The following SIMC1 variants were observed in gnomAD, a reference collection of about 807,000 sequenced individuals.
SIMC1 encodes the protein SUMO-interacting motif-containing protein 1.
A neutral mutation model predicts 82.3 loss-of-function variants in SIMC1; 55 were observed. The observed-to-expected ratio is 0.67, with a 90% CI of 0.54 to 0.84. The LOEUF (loss-of-function observed/expected upper bound fraction) is 0.84. SIMC1 is among the 40% of genes least tolerant of loss of function. The probability of loss-of-function intolerance (pLI) is 0.00; values close to 1 mark genes in which losing one functional copy is unlikely to be tolerated. For missense variants in SIMC1, 915 were observed against 1,107.2 expected (o/e 0.83, Z 2.46); for synonymous variants, 353 against 426.3 (o/e 0.83, Z 2.12).
chr5:176,344,778 C>T (rs1231281743), intron 9 of SIMC1, among the ~76,000 whole-genome samples: 1 of 152,196 alleles, frequency 6.6e-6, no homozygotes, highest in Non-Finnish European at 1.5e-5. Flanking sequence ...TCACCCCCAC[C>T]AGGCCCCACC....
rs544010267 is a variant in SIMC1 at position 176,291,122 on chromosome 5, T to A, written c.1431+167T>A. Among the ~76,000 whole-genome samples the A allele has an allele frequency of 3.1e-3, 471 of 150,128 alleles. 1 individual carries two copies. Among genetic ancestry groups the A allele is most frequent in the Non-Finnish European group, 4.4e-3 (297 of 67,520 alleles). Reference sequence around the variant, plus strand: ...TCAGTGTAGAGGCCCAGATCTGGGTTCAAATTTTAGCCCCACGCTTAAAAA... The same window carrying A: ...TCAGTGTAGAGGCCCAGATCTGGGTACAAATTTTAGCCCCACGCTTAAAAA... On this transcript the variant is annotated intron_variant, in intron 2 of 9. Transcript: ENST00000429602.
At chr5:176,271,835 TATCTC>T (rs1193057197) in intron 1 of SIMC1, among the ~76,000 whole-genome samples, 1 of 147,788 alleles carries the variant, frequency 6.8e-6, no homozygotes, top group African/African-American at 2.5e-5. Flanking sequence ...TGTCTCAAAA[TATCTC>T]ATGTACCCCA....
At chr5:176,298,582 G>C (rs1763917219) in intron 4 of SIMC1, among the ~76,000 whole-genome samples, 2 of 152,206 alleles carry the variant, frequency 1.3e-5, no homozygotes, top group African/African-American at 4.8e-5. Context: ...CCAAAATCAT[G>C]CCACTGCACT....
Position 176,290,053 on chromosome 5 carries a change from C to G in SIMC1, c.529C>G (p.Gln177Glu). ...TAACCTCAGCTTCTTGGCAAGTCTA[C>G]AGCTGTCTTCAGATGTTAGCTCCCT... ...TGNLSFLASL[Q>E]LSSDVSSLSP... The change falls in exon 2 of 10, where the codon CAG becomes GAG. Residue 177 changes from glutamine to glutamate, a missense_variant. By Grantham distance (29) the Gln-to-Glu change is conservative. This residue lies in a region of SIMC1 where 902 missense variants were observed against 1,040.3 expected (regional missense o/e 0.87). Coordinates refer to ENST00000429602, the MANE Select transcript of SIMC1 (RefSeq NM_001308195.2). The G allele has an allele frequency of 6.2e-7, 1 of 1,611,338 alleles. No homozygotes were observed. The highest frequency in any genetic ancestry group is 8.5e-7 in the Non-Finnish European group (1 of 1,178,628).
chr5:176,295,104 T>C lies in SIMC1; in HGVS notation c.1506T>C (p.Phe502=). 6.2e-7 allele frequency: 1 copy of C among 1,613,726 alleles called. No homozygotes were observed. Among genetic ancestry groups the C allele is most frequent in the Non-Finnish European group, 8.5e-7 (1 of 1,179,698 alleles). ...TAACAAATACCATTGAAGAGAATTT[T>C]CCTCTGGGGACTGTGCAGTTTTTGA... ...RMVTNTIEEN[F]PLGTVQFLMD... is the part of the protein sequence containing the mutation. Residue 502 remains phenylalanine (F), a synonymous_variant, in exon 3 of 10, where the codon TTT becomes TTC. Coordinates refer to ENST00000429602, the MANE Select transcript of SIMC1 (RefSeq NM_001308195.2).
intron 7 of SIMC1, among the ~76,000 whole-genome samples, chr5:176,332,479 G>A (rs550685666): frequency 1.3e-5 from 2 of 151,948 alleles, no homozygotes; most frequent in African/African-American, 2.4e-5. Flanking sequence ...TAGTAGAGAC[G>A]GGGTTTCTCC....
rs575154768 is a variant in SIMC1, at chr5:176,279,274, T to C, written c.130-10380T>C. On this transcript the variant is annotated intron_variant, in intron 1 of 9. Coordinates refer to ENST00000429602, the MANE Select transcript of SIMC1 (RefSeq NM_001308195.2). ...TAGTATTCTCTGATGGTTCTTTGTG[T>C]ATTCTCTGTAGTATTCTTTGTGTTT... Among the ~76,000 whole-genome samples, 5 of 152,362 alleles carry C rather than the reference T, an allele frequency of 3.3e-5. No individual in the cohort carries two copies. The South Asian group carries it at 1.0e-3, about 32-fold the overall frequency.
Position 176,343,413 on chromosome 5 carries a change from C to T in SIMC1, c.2414-1770C>T, listed in dbSNP as rs142806390. On this transcript the variant is annotated intron_variant, in intron 9 of 9. Coordinates refer to ENST00000429602, the MANE Select transcript of SIMC1 (RefSeq NM_001308195.2). ...CATTTGCCTAATGTGACCTTCTGCT[C>T]ATTTGCCTCAATTCCACACACTTCT... is the stretch of plus-strand genomic sequence containing the variant. Among the ~76,000 whole-genome samples, 65 of 152,330 alleles carry T rather than the reference C, an allele frequency of 4.3e-4. 1 individual carries two copies. The East Asian group carries it at 0.012, about 28-fold the overall frequency.
rs530962383 is a variant in SIMC1 at position 176,308,199 on chromosome 5, C to T, written c.1735-5492C>T. 22 of 1,488,776 alleles carry T rather than the reference C, an allele frequency of 1.5e-5. No individual in the cohort carries two copies. In the East Asian group the frequency reaches 5.1e-4, roughly 34 times the overall value. The allele number at this position is 1,488,776 out of a possible 1,614,324, so 92.2% of individuals were successfully genotyped here. The stretch of plus-strand genomic sequence containing the variant: ...TGGATAGGGGAGTTGAACAATGATA[C>T]AAGGAGTGACTCCAAATTTGCATAT... On this transcript the variant is annotated intron_variant, in intron 4 of 9. Transcript: ENST00000429602.
At chr5:176,292,027 G>A (rs1293724590) in intron 2 of SIMC1, among the ~76,000 whole-genome samples, 1 of 152,180 alleles carries the variant, frequency 6.6e-6, no homozygotes, top group African/African-American at 2.4e-5. Context: ...CTGCACTCCA[G>A]CCTTGGCCAC....
At chr5:176,260,547 T>C (rs1191458276) in intron 1 of SIMC1, among the ~76,000 whole-genome samples, 3 of 152,168 alleles carry the variant, frequency 2.0e-5, no homozygotes, top group Non-Finnish European at 2.9e-5. Context: ...GACTATGATA[T>C]GATGAATCCT....
chr5:176,281,512 T>C (rs1250595893), intron 1 of SIMC1, among the ~76,000 whole-genome samples: 1 of 152,208 alleles, frequency 6.6e-6, no homozygotes, highest in Non-Finnish European at 1.5e-5. Flanking sequence ...CTCTGCTTTT[T>C]AGAGTTTCCA....
intron 5 of SIMC1, among the ~76,000 whole-genome samples, chr5:176,320,708 C>T (rs1213388966): frequency 1.3e-5 from 2 of 152,010 alleles, no homozygotes; most frequent in African/African-American, 4.8e-5. Flanking sequence ...TTCAACACTT[C>T]AGAGAAACCT....
At chr5:176,261,451 G>T (rs1017087605) in intron 1 of SIMC1, among the ~76,000 whole-genome samples, 2 of 152,112 alleles carry the variant, frequency 1.3e-5, no homozygotes, top group Non-Finnish European at 1.5e-5. Flanking sequence ...TGTTATAAAA[G>T]GTGTATGATG....
Position 176,313,682 on chromosome 5 carries a change from T to C in SIMC1, c.1735-9T>C, listed in dbSNP as rs753495022. 1 of 1,613,196 alleles carries C rather than the reference T, an allele frequency of 6.2e-7. No homozygotes were observed. Among genetic ancestry groups the C allele is most frequent in the South Asian group, 1.1e-5 (1 of 90,970 alleles). ...AAGAAAGACTGACTTCTCATTCTTT[T>C]TCCCACAGGGACAAACTCTGCCTGG... is the stretch of plus-strand genomic sequence containing the variant. On this transcript the variant is annotated splice_polypyrimidine_tract_variant and intron_variant, in intron 4 of 9. Transcript: ENST00000429602.
chr5:176,340,561 A>C (rs1336826134), intron 9 of SIMC1, among the ~76,000 whole-genome samples: 2 of 152,184 alleles, frequency 1.3e-5, no homozygotes, highest in African/African-American at 4.8e-5. Flanking sequence ...CGGACGGGGA[A>C]AAGCAGAAGC....
In SIMC1 at chr5:176,344,248, C is replaced by T. The variant is rs191180095; in HGVS notation, c.2414-935C>T. On this transcript the variant is annotated intron_variant, in intron 9 of 9. Transcript: ENST00000429602. ...TGGTCTCCTTTAGTCCAGCACAGTT[C>T]CCAGCTTTTACTTGTCTTTCATAAT... is the stretch of plus-strand genomic sequence containing the variant. Among the ~76,000 whole-genome samples the T allele has an allele frequency of 2.0e-5, 3 of 152,250 alleles. No homozygotes were observed. The East Asian group carries it at 5.8e-4, about 29-fold the overall frequency.
chr5:176,257,991 A>G (rs1761902572), intron 1 of SIMC1, among the ~76,000 whole-genome samples: 1 of 152,204 alleles, frequency 6.6e-6, no homozygotes, highest in Non-Finnish European at 1.5e-5. Flanking sequence ...CAGAACCACT[A>G]CGTTAGTTTT....
chr5:176,327,106 C>T (rs1305407728), intron 7 of SIMC1, among the ~76,000 whole-genome samples: 1 of 152,114 alleles, frequency 6.6e-6, no homozygotes, highest in Non-Finnish European at 1.5e-5. Context: ...CTCTACTATT[C>T]ATTCATGTAA....
Sources: gnomAD v4.1 joint callset for allele counts (sites outside exome capture counted in the v4.1 genomes callset) on GRCh38, gnomAD v4.1.1 for gene constraint, gnomAD v4.1.1 regional missense constraint, MANE v1.5 for transcripts, NCBI Gene and HGNC (gene_info 2026-07-23, HGNC 2026-07-21) for gene names.